The following YBEY variants were observed in gnomAD, a reference collection of about 807,000 sequenced individuals.
YBEY encodes endoribonuclease YbeY.
Under a neutral mutation model 13.5 loss-of-function variants are expected in YBEY, and 15 were observed. The ratio of observed to expected loss-of-function variants is 1.11; its 90% CI spans 0.75 to 1.72. YBEY has a LOEUF of 1.72. YBEY is among the 40% of genes most tolerant of loss of function. The probability of loss-of-function intolerance (pLI) is 0.00; values close to 1 mark genes in which losing one functional copy is unlikely to be tolerated. For synonymous variants in YBEY, 101 were observed against 83.1 expected, an observed-to-expected ratio of 1.21 and a Z score of -1.17; for missense variants, 244 against 208.4, an observed-to-expected ratio of 1.17 and a Z score of -1.05.
downstream of YBEY, chr21:46,297,899 G>GGA (rs1569106601): frequency 2.0e-5 from 14 of 713,266 alleles, no homozygotes; most frequent in South Asian, 9.3e-4. Flanking sequence ...GTCCCTGCCC[G>GGA]GAGCCTGCGC....
At chr21:46,305,917 G>A in the YBEY span, among the ~76,000 whole-genome samples, 22 of 152,146 alleles carry the variant, frequency 1.4e-4, no homozygotes, top group African/African-American at 5.3e-4. Context: ...ACTCCAGCCT[G>A]GCAGACAGCG....
At chr21:46,286,697 G>A (rs940992911) in intron 1 of YBEY, 173 bp from the exon 2 acceptor site, 5 of 417,384 alleles carry the variant, frequency 1.2e-5, no homozygotes, top group African/African-American at 1.0e-4. Flanking sequence ...CGGATTCCGC[G>A]GCATCCTTCC....
At chr21:46,305,320 AATT>A in the YBEY span, among the ~76,000 whole-genome samples, 11 of 150,990 alleles carry the variant, frequency 7.3e-5, no homozygotes, top group Non-Finnish European at 1.0e-4. Flanking sequence ...TTTAATCACA[AATT>A]AATCTTTTTT....
chr21:46,291,022 A>G (rs1306897316), intron 2 of YBEY, among the ~76,000 whole-genome samples: 1 of 149,478 alleles, frequency 6.7e-6, no homozygotes, highest in Non-Finnish European at 1.5e-5. Flanking sequence ...GTCTCAGGAA[A>G]AAAAAAAAAA....
chr21:46,298,434 C>CTGTTTTTTTTTTTTTTTTTTTTTTT (rs2082018768), downstream of YBEY, among the ~76,000 whole-genome samples: 1 of 97,160 alleles, frequency 1.0e-5, no homozygotes, highest in Non-Finnish European at 2.1e-5. Flanking sequence ...TTAATCCAAG[C>CTGTTTTTTTTTTTTTTTTTTTTTTT]TTTTTTTTTT....
chr21:46,290,709 G>C (rs1481142592), intron 2 of YBEY, among the ~76,000 whole-genome samples: 1 of 150,710 alleles, frequency 6.6e-6, no homozygotes, highest in Non-Finnish European at 1.5e-5. Flanking sequence ...AGGAGTTCGA[G>C]ACCAGCCTGA....
downstream of YBEY, among the ~76,000 whole-genome samples, chr21:46,299,750 G>GCCCCCCCCCCCCCCCCCCCCCCCC (rs545785598): frequency 1.4e-4 from 21 of 147,218 alleles, no homozygotes; most frequent in African/African-American, 2.5e-4. Flanking sequence ...TGTGCCCTGA[G>GCCCCCCCCCCCCCCCCCCCCCCCC]CCCCCCCCAC....
At chr21:46,292,546 G>A (rs9983717) in intron 3 of YBEY, among the ~76,000 whole-genome samples, 17,342 of 117,018 alleles carry the variant, frequency 0.15, 2,506 homozygotes, top group African/African-American at 0.36. Context: ...GACTGAGTGG[G>A]GACAGCCACG....
At chr21:46,296,618 T>A (rs184329801) in intron 4 of YBEY, among the ~76,000 whole-genome samples, 3 of 152,176 alleles carry the variant, frequency 2.0e-5, no homozygotes, top group Admixed American at 6.5e-5. Context: ...TGGGCTCCGG[T>A]CCACATGGTT....
chr21:46,300,604 G>C, downstream of YBEY: 1 of 1,163,726 alleles, frequency 8.6e-7, no homozygotes, highest in Non-Finnish European at 1.1e-6. Context: ...GTTACTGCCA[G>C]TAGCTGCGCT....
chr21:46,286,864 C>T lies in YBEY; in HGVS notation c.-44-6C>T. On this transcript the variant is annotated splice_polypyrimidine_tract_variant and splice_region_variant and intron_variant, in intron 1 of 4. Coordinates refer to ENST00000397701, the MANE Select transcript of YBEY (RefSeq NM_001314025.2). Reference sequence around the variant, plus strand: ...TGATTGGTCTTCTCTTACACTTTAACCCCAGGTTCCGTTGCAAACATTTTT... The same window carrying T: ...TGATTGGTCTTCTCTTACACTTTAATCCCAGGTTCCGTTGCAAACATTTTT... 6.3e-6 allele frequency: 10 copies of T among 1,585,472 alleles called. No homozygotes were observed. Among genetic ancestry groups the T allele is most frequent in the Non-Finnish European group, 7.8e-6 (9 of 1,156,264 alleles).
downstream of YBEY, among the ~76,000 whole-genome samples, chr21:46,298,652 A>G (rs1055990460): frequency 6.6e-6 from 1 of 151,630 alleles, no homozygotes; most frequent in African/African-American, 2.4e-5. Flanking sequence ...GATGGTCTCC[A>G]TCTCCTGACC....
downstream of YBEY, chr21:46,302,689 C>A: frequency 1.2e-6 from 1 of 846,278 alleles, no homozygotes; most frequent in Non-Finnish European, 1.9e-6. Context: ...TGTGCAGGTC[C>A]CCGGGGCAGG....
intron 3 of YBEY, chr21:46,291,883 A>C (rs1382879394): frequency 1.0e-6 from 1 of 1,001,898 alleles, no homozygotes; most frequent in South Asian, 3.9e-5. Flanking sequence ...AAACCAATTC[A>C]CTGCAATTGT....
At chr21:46,312,988 T>C in the YBEY span, 3 of 985,430 alleles carry the variant, frequency 3.0e-6, no homozygotes, top group South Asian at 1.4e-4. Context: ...AGGCCTTCTG[T>C]TTTATCCTCT....
At chr21:46,289,446 G>C (rs77143399) in intron 2 of YBEY, among the ~76,000 whole-genome samples, 1 of 140,300 alleles carries the variant, frequency 7.1e-6, no homozygotes, top group East Asian at 2.1e-4. Context: ...CAAGGGTTTT[G>C]TTTTTTTTTT....
At chr21:46,304,918 G>A in the YBEY span, among the ~76,000 whole-genome samples, 1 of 152,210 alleles carries the variant, frequency 6.6e-6, no homozygotes, top group East Asian at 1.9e-4. Flanking sequence ...GGTGATCCTT[G>A]AGGACATCAC....
chr21:46,302,071 A>ATTG, downstream of YBEY: 1 of 1,506,792 alleles, frequency 6.6e-7, no homozygotes. Flanking sequence ...GCCACACAGC[A>ATTG]TGGTGGTGGT....
At chr21:46,303,593 T>A in the YBEY span, among the ~76,000 whole-genome samples, 1 of 149,170 alleles carries the variant, frequency 6.7e-6, no homozygotes, top group Admixed American at 6.7e-5. Context: ...GGCTCATGCC[T>A]GTGATGCTCG....
Sources: allele counts gnomAD v4.1 joint callset (sites outside exome capture counted in the v4.1 genomes callset), GRCh38; gene constraint gnomAD v4.1.1; transcripts MANE v1.5; gene names NCBI Gene and HGNC (gene_info 2026-07-23, HGNC 2026-07-21).